The following GPR176 variants were observed in gnomAD, a reference collection of about 807,000 sequenced individuals.
GPR176 encodes G-protein coupled receptor 176.
A neutral mutation model predicts 35.4 loss-of-function variants in GPR176; 26 were observed. The ratio of observed to expected loss-of-function variants is 0.74; its 90% confidence interval spans 0.54 to 1.02. The LOEUF is 1.02. Among genes scored for constraint, GPR176 ranks in the 50% least tolerant of loss-of-function variants. The pLI is 0.00. For missense variants in GPR176, 597 were observed against 665.3 expected, an observed-to-expected ratio of 0.90 and a Z score of 1.13; for synonymous variants, 278 against 271.3, an observed-to-expected ratio of 1.02 and a Z score of -0.24.
At chr15:39,868,245 G>A (rs1201016528) in intron 1 of GPR176, among the ~76,000 whole-genome samples, 3 of 152,176 alleles carry the variant, frequency 2.0e-5, no homozygotes, top group Non-Finnish European at 4.4e-5. Context: ...CCAGGCTCTT[G>A]GAGTCCTTGT....
chr15:39,890,420 G>A (rs2140858117), intron 1 of GPR176, among the ~76,000 whole-genome samples: 1 of 152,324 alleles, frequency 6.6e-6, no homozygotes. Flanking sequence ...AAACTTAACA[G>A]ACCAAGGACA....
intron 1 of GPR176, among the ~76,000 whole-genome samples, chr15:39,878,888 C>A (rs1041345825): frequency 3.3e-5 from 5 of 152,214 alleles, no homozygotes; most frequent in African/African-American, 9.7e-5. Flanking sequence ...GGCCGAAAGG[C>A]CAACACTGAA....
At chr15:39,873,920 T>C (rs1447231901) in intron 1 of GPR176, among the ~76,000 whole-genome samples, 1 of 152,058 alleles carries the variant, frequency 6.6e-6, no homozygotes, top group South Asian at 2.1e-4. Context: ...CTGCTAAGTG[T>C]TTCTGATTAA....
At chr15:39,873,277 GTTC>G (rs1489513408) in intron 1 of GPR176, among the ~76,000 whole-genome samples, 1 of 152,108 alleles carries the variant, frequency 6.6e-6, no homozygotes, top group Non-Finnish European at 1.5e-5. Flanking sequence ...GAAGGAACAG[GTTC>G]TTAAGTCAAG....
chr15:39,893,890 G>A lies in GPR176; in HGVS notation c.172+25965C>T, dbSNP rs867025425. Among the ~76,000 whole-genome samples the A allele has an allele frequency of 2.0e-3, 247 of 121,498 alleles. 7 individuals are homozygous for A. Among genetic ancestry groups the A allele is most frequent in the African/African-American group, 7.5e-3 (235 of 31,298 alleles). The allele number at this position is 121,498 out of a possible 152,430, so 79.7% of individuals were successfully genotyped here. ...GCGCCCCTCACCTCCCGGACGGGGC[G>A]GCTGGCCGGGTTGGGGGCTGACCCC... On this transcript the variant is annotated intron_variant, in intron 1 of 2. Transcript: ENST00000561100.
intron 2 of GPR176, among the ~76,000 whole-genome samples, chr15:39,805,474 C>T (rs950306236): frequency 3.9e-5 from 6 of 151,914 alleles, no homozygotes; most frequent in Non-Finnish European, 8.8e-5. Context: ...TATTCCTCTT[C>T]TGAAAGAATA....
chr15:39,898,295 TA>T (rs2033178190), intron 1 of GPR176, among the ~76,000 whole-genome samples: 2 of 152,308 alleles, frequency 1.3e-5, no homozygotes. Context: ...TTGGTATCCT[TA>T]AAACCCTTCA....
chr15:39,835,696 G>A (rs1328169140), intron 1 of GPR176, among the ~76,000 whole-genome samples: 1 of 152,160 alleles, frequency 6.6e-6, no homozygotes, highest in African/African-American at 2.4e-5. Context: ...TGTCTTTAAG[G>A]AAAACTGCAG....
chr15:39,812,748 T>A lies in GPR176; in HGVS notation c.173-5490A>T, dbSNP rs556372911. On this transcript the variant is annotated intron_variant, in intron 1 of 2. Coordinates refer to ENST00000561100, the MANE Select transcript of GPR176 (RefSeq NM_007223.3). Reference sequence around the variant, plus strand: ...TAATTCCTCTCTTCTAAGCTTTATTTTTTTTTTTTTTGAGACAGGGTCTTG... The same window carrying A: ...TAATTCCTCTCTTCTAAGCTTTATTATTTTTTTTTTTGAGACAGGGTCTTG... Among the ~76,000 whole-genome samples, 1,334 of 148,046 alleles carry A rather than the reference T, an allele frequency of 9.0e-3. 22 individuals carry two copies. Among genetic ancestry groups the A allele is most frequent in the African/African-American group, 0.032 (1,273 of 39,372 alleles).
chr15:39,891,655 G>A (rs190144701), intron 1 of GPR176, among the ~76,000 whole-genome samples: 1 of 152,232 alleles, frequency 6.6e-6, no homozygotes, highest in Non-Finnish European at 1.5e-5. Flanking sequence ...CTATCTTAGA[G>A]CCAAAACAGA....
chr15:39,896,348 T>C (rs2033113178), intron 1 of GPR176, among the ~76,000 whole-genome samples: 1 of 152,210 alleles, frequency 6.6e-6, no homozygotes, highest in Admixed American at 6.5e-5. Context: ...TGTGCTGGGA[T>C]TAAAGGTGAA....
chr15:39,831,469 T>C (rs1901072163), intron 1 of GPR176, among the ~76,000 whole-genome samples: 1 of 152,138 alleles, frequency 6.6e-6, no homozygotes, highest in African/African-American at 2.4e-5. Context: ...AAAGTCAACA[T>C]GGTTAAAACT....
At chr15:39,915,304 G>A (rs2033697746) in intron 1 of GPR176, among the ~76,000 whole-genome samples, 1 of 152,138 alleles carries the variant, frequency 6.6e-6, no homozygotes, top group Non-Finnish European at 1.5e-5. Context: ...TCCTCACATG[G>A]TGCAAAGAAA....
At chr15:39,810,930 A>G (rs558690442) in intron 1 of GPR176, among the ~76,000 whole-genome samples, 4 of 152,324 alleles carry the variant, frequency 2.6e-5, no homozygotes, top group South Asian at 4.1e-4. Flanking sequence ...TGGATTTTTA[A>G]ATGCCTTATT....
chr15:39,885,425 T>C (rs998002813), intron 1 of GPR176, among the ~76,000 whole-genome samples: 1 of 152,210 alleles, frequency 6.6e-6, no homozygotes, highest in East Asian at 1.9e-4. Flanking sequence ...CCCACCTCCT[T>C]GCTCTACCCC....
At chr15:39,853,701 T>C (rs1181663627) in intron 1 of GPR176, among the ~76,000 whole-genome samples, 1 of 152,156 alleles carries the variant, frequency 6.6e-6, no homozygotes, top group African/African-American at 2.4e-5. Context: ...TTGGTTGTCA[T>C]AGCTGGGAGC....
intron 1 of GPR176, chr15:39,909,968 T>C (rs2140877197): frequency 1.6e-6 from 1 of 624,386 alleles, no homozygotes; most frequent in Non-Finnish European, 2.0e-6. Flanking sequence ...AATGCTTTCA[T>C]AGCTGTGTCT....
chr15:39,871,460 G>C (rs1215034019), intron 1 of GPR176, among the ~76,000 whole-genome samples: 1 of 152,204 alleles, frequency 6.6e-6, no homozygotes, highest in Non-Finnish European at 1.5e-5. Flanking sequence ...GAGTGGAGAT[G>C]TAGGAGTATG....
intron 1 of GPR176, among the ~76,000 whole-genome samples, chr15:39,873,965 A>G (rs1028741580): frequency 2.0e-5 from 3 of 152,228 alleles, no homozygotes; most frequent in Non-Finnish European, 4.4e-5. Flanking sequence ...ATTACTGTGC[A>G]AAAAGGAAAT....
Sources: allele counts gnomAD v4.1 joint callset (sites outside exome capture counted in the v4.1 genomes callset), GRCh38; gene constraint gnomAD v4.1.1; transcripts MANE v1.5; gene names NCBI Gene and HGNC (gene_info 2026-07-23, HGNC 2026-07-21).